PKP2: variants seen among roughly 807,000 people sequenced by gnomAD.
The protein encoded by PKP2 is plakophilin-2.
In PKP2, 73 loss-of-function variants were observed where a neutral mutation model predicts 83.4. The ratio of observed to expected loss-of-function variants is 0.88; its 90% confidence interval spans 0.72 to 1.06. PKP2 has a LOEUF of 1.06. Ranked by LOEUF, PKP2 falls within the 50% of genes least tolerant of loss-of-function variation. The pLI is 0.00. For synonymous variants in PKP2, 409 were observed against 430.4 expected, an observed-to-expected ratio of 0.95 and a Z score of 0.62; for missense variants, 966 against 1,065.4, an observed-to-expected ratio of 0.91 and a Z score of 1.30.
chr12:32,849,601 A>C (rs1956679319), intron 5 of PKP2, among the ~76,000 whole-genome samples: 1 of 152,210 alleles, frequency 6.6e-6, no homozygotes, highest in Non-Finnish European at 1.5e-5. Context: ...ATTCTGGAAC[A>C]TCAACAAATC....
At chr12:32,865,376 G>GAAAAAA (rs554773045) in intron 4 of PKP2, among the ~76,000 whole-genome samples, 1 of 85,352 alleles carries the variant, frequency 1.2e-5, no homozygotes. Context: ...CTCCATCTCA[G>GAAAAAA]AAAAAAAAAA....
intron 9 of PKP2, among the ~76,000 whole-genome samples, chr12:32,816,291 A>G (rs2137758723): frequency 6.6e-6 from 1 of 152,210 alleles, no homozygotes; most frequent in South Asian, 2.1e-4. Flanking sequence ...TATGTCCATG[A>G]GTAACCATGG....
At chr12:32,896,314 A>G (rs897928465) in intron 1 of PKP2, among the ~76,000 whole-genome samples, 195 bp downstream of exon 1, 2 of 152,246 alleles carry the variant, frequency 1.3e-5, no homozygotes, top group African/African-American at 4.8e-5. Context: ...ATAGGTACCT[A>G]TATGACAAAG....
In PKP2 at chr12:32,813,269, T is replaced by C. The variant is rs137971130; in HGVS notation, c.2013+8087A>G. Among the ~76,000 whole-genome samples, 26 of 152,310 alleles carry C rather than the reference T, an allele frequency of 1.7e-4. No homozygotes were observed. In the East Asian group the frequency reaches 4.8e-3, roughly 28 times the overall value. On this transcript the variant is annotated intron_variant, in intron 9 of 12. Transcript: ENST00000340811. ...GACCTCTTGTGAACTCTCATATGGA[T>C]GTCTGGATTTTAGGAACAGGATTAT...
At chr12:32,869,214 A>G in intron 3 of PKP2, 152 bp from the exon 4 acceptor site, 1 of 829,576 alleles carries the variant, frequency 1.2e-6, no homozygotes, top group South Asian at 1.4e-5. Flanking sequence ...TCAGCACCCA[A>G]GATCACAAGG....
At chr12:32,866,550 CAAAAAAAAA>C (rs56079220) in intron 4 of PKP2, among the ~76,000 whole-genome samples, 12 of 36,180 alleles carry the variant, frequency 3.3e-4, no homozygotes, top group African/African-American at 1.5e-3. Context: ...GATCCTTTCT[CAAAAAAAAA>C]AAAAAAAAAA....
At chr12:32,858,471 C>T (rs1279387970) in intron 4 of PKP2, among the ~76,000 whole-genome samples, 3 of 151,944 alleles carry the variant, frequency 2.0e-5, no homozygotes, top group African/African-American at 7.3e-5. Context: ...TTCATTCTTC[C>T]TACGGAACAA....
intron 6 of PKP2, among the ~76,000 whole-genome samples, chr12:32,826,433 C>G (rs1470880227): frequency 6.6e-6 from 1 of 152,012 alleles, no homozygotes; most frequent in African/African-American, 2.4e-5. Context: ...TGTTTTAACC[C>G]TCAAAAATGG....
chr12:32,867,721 C>T (rs1956861547), intron 4 of PKP2, among the ~76,000 whole-genome samples: 1 of 152,054 alleles, frequency 6.6e-6, no homozygotes, highest in African/African-American at 2.4e-5. Context: ...ACAATTGTTT[C>T]TTCGTGTATA....
chr12:32,849,387 T>C (rs1956677128), intron 5 of PKP2, among the ~76,000 whole-genome samples: 1 of 152,134 alleles, frequency 6.6e-6, no homozygotes, highest in Non-Finnish European at 1.5e-5. Context: ...ACCTGGCTAA[T>C]TCTTTATTTT....
chr12:32,896,305 T>C (rs566741024), intron 1 of PKP2, among the ~76,000 whole-genome samples: 2 of 152,120 alleles, frequency 1.3e-5, no homozygotes, highest in Non-Finnish European at 2.9e-5. Flanking sequence ...TTAATATACA[T>C]AGGTACCTAT....
At chr12:32,795,977 G>T in intron 11 of PKP2, 132 bp downstream of exon 11, 2 of 812,446 alleles carry the variant, frequency 2.5e-6, no homozygotes, top group Non-Finnish European at 4.3e-6. Context: ...AGATGATCTG[G>T]CCTGGCTTTA....
chr12:32,815,143 CTTG>C (rs771923389), intron 9 of PKP2, among the ~76,000 whole-genome samples: 1 of 152,194 alleles, frequency 6.6e-6, no homozygotes, highest in Non-Finnish European at 1.5e-5. Flanking sequence ...TGCTAGTAAA[CTTG>C]TTGTCTCTTA....
chr12:32,846,298 G>A lies in PKP2; in HGVS notation c.1378+4468C>T, dbSNP rs74072949. Among the ~76,000 whole-genome samples, 151 of 152,182 alleles carry A rather than the reference G, an allele frequency of 9.9e-4. 1 individual carries two copies. Among genetic ancestry groups the A allele is most frequent in the African/African-American group, 3.3e-3 (139 of 41,494 alleles). The stretch of plus-strand genomic sequence containing the variant: ...ATTTCAATTACGGGAACACTACCAC[G>A]CTCACTTAGTAAGGGAGAAAGAACA... On this transcript the variant is annotated intron_variant, in intron 5 of 12. Transcript: ENST00000340811.
intron 4 of PKP2, among the ~76,000 whole-genome samples, chr12:32,858,115 ATT>A (rs34480218): frequency 6.0e-4 from 57 of 94,412 alleles, no homozygotes; most frequent in African/African-American, 1.2e-3. Flanking sequence ...ATATATATAT[ATT>A]TATATATATT....
At chr12:32,803,243 C>G (rs190372377) in intron 9 of PKP2, among the ~76,000 whole-genome samples, 2 of 151,964 alleles carry the variant, frequency 1.3e-5, no homozygotes, top group African/African-American at 4.8e-5. Context: ...CGTGGTGGCA[C>G]GTGCCTGTAG....
At chr12:32,860,402 G>T (rs915470905) in intron 4 of PKP2, among the ~76,000 whole-genome samples, 1 of 152,140 alleles carries the variant, frequency 6.6e-6, no homozygotes, top group Non-Finnish European at 1.5e-5. Context: ...TGTTCACACA[G>T]GCCTAGGAAC....
chr12:32,809,629 G>T lies in PKP2; in HGVS notation c.2014-7073C>A, dbSNP rs142395476. Among the ~76,000 whole-genome samples, 227 of 152,326 alleles carry T rather than the reference G, an allele frequency of 1.5e-3. 2 individuals carry two copies. The East Asian group carries it at 0.024, about 16-fold the overall frequency. On this transcript the variant is annotated intron_variant, in intron 9 of 12. Coordinates refer to ENST00000340811, the MANE Select transcript of PKP2 (RefSeq NM_001005242.3). The stretch of plus-strand genomic sequence containing the variant: ...CCTTGCTGGAAATTCCGGGGCCGGA[G>T]TATGTAAAACTCTTGTCTCTGTGTG...
At chr12:32,852,286 C>T (rs1015710628) in intron 4 of PKP2, among the ~76,000 whole-genome samples, 6 of 152,146 alleles carry the variant, frequency 3.9e-5, no homozygotes, top group South Asian at 2.1e-4. Context: ...TTATGCTCAG[C>T]GGAGAGCTGC....
Sources: allele counts gnomAD v4.1 joint callset (sites outside exome capture counted in the v4.1 genomes callset), GRCh38; gene constraint gnomAD v4.1.1; transcripts MANE v1.5; gene names NCBI Gene and HGNC (gene_info 2026-07-23, HGNC 2026-07-21).